The following CLASP2 variants were observed in gnomAD, a reference collection of about 807,000 sequenced individuals.
CLASP2 encodes CLIP-associating protein 2.
Under a neutral mutation model 194.4 loss-of-function variants are expected in CLASP2, and 47 were observed. The ratio of observed to expected loss-of-function variants is 0.24; its 90% CI spans 0.19 to 0.31. The LOEUF is 0.31. Ranked by LOEUF, CLASP2 falls within the 10% of genes least tolerant of loss-of-function variation. CLASP2 has a pLI of 1.00. For synonymous variants in CLASP2, 619 were observed against 633.5 expected (o/e 0.98, Z 0.34); for missense variants, 1,445 against 1,823.6 (o/e 0.79, Z 3.78).
At chr3:33,636,160 T>A (rs2080097565) in intron 8 of CLASP2, among the ~76,000 whole-genome samples, 1 of 152,094 alleles carries the variant, frequency 6.6e-6, no homozygotes, top group African/African-American at 2.4e-5. Context: ...TCAAATAAGA[T>A]GGTAATCACA....
In CLASP2 at chr3:33,559,403, C is replaced by G. The variant is rs1047904402; in HGVS notation, c.2931-18G>C. The G allele has an allele frequency of 2.1e-5, 30 of 1,463,312 alleles. No homozygotes were observed. Among genetic ancestry groups the G allele is most frequent in the African/African-American group, 7.0e-5 (5 of 71,404 alleles). 90.6% of individuals were successfully genotyped at this position (1,463,312 alleles called of 1,614,324 possible). Reference sequence around the variant, plus strand: ...AAGACTCTCTGAAACAAGAACAAAGCAAAACGAAACAAAAATTTAGTTAGC... The same window carrying G: ...AAGACTCTCTGAAACAAGAACAAAGGAAAACGAAACAAAAATTTAGTTAGC... On this transcript the variant is annotated intron_variant, in intron 28 of 38. Coordinates refer to ENST00000682230, the MANE Select transcript of CLASP2 (RefSeq NM_001365631.1).
intron 12 of CLASP2, among the ~76,000 whole-genome samples, chr3:33,615,977 G>A (rs1256077186): frequency 6.6e-6 from 1 of 150,674 alleles, no homozygotes; most frequent in African/African-American, 2.4e-5. Flanking sequence ...TAAAGAAAAA[G>A]CAGTGCAAAT....
chr3:33,717,128 C>G (rs1001805284), intron 1 of CLASP2, among the ~76,000 whole-genome samples: 1 of 152,218 alleles, frequency 6.6e-6, no homozygotes, highest in African/African-American at 2.4e-5. Context: ...TTTTCCCCCC[C>G]AGCATTAGCC....
intron 33 of CLASP2, among the ~76,000 whole-genome samples, chr3:33,538,374 T>C (rs1364971132): frequency 6.6e-6 from 1 of 152,218 alleles, no homozygotes; most frequent in African/African-American, 2.4e-5. Flanking sequence ...GACCACACAA[T>C]CTAAAATAGA....
At chr3:33,656,810 C>CAT (rs10662186) in intron 7 of CLASP2, among the ~76,000 whole-genome samples, 66,316 of 151,612 alleles carry the variant, frequency 0.44, 14,765 homozygotes, top group Admixed American at 0.53. Flanking sequence ...CGAAATAACA[C>CAT]GATAGTATTT....
chr3:33,674,186 G>C (rs888546901), intron 6 of CLASP2, among the ~76,000 whole-genome samples: 7 of 152,098 alleles, frequency 4.6e-5, no homozygotes, highest in African/African-American at 1.7e-4. Context: ...TGACCACATA[G>C]TTGGAAGTAA....
intron 8 of CLASP2, among the ~76,000 whole-genome samples, chr3:33,636,408 A>G (rs2080143129): frequency 6.6e-6 from 1 of 152,162 alleles, no homozygotes; most frequent in Non-Finnish European, 1.5e-5. Context: ...TTTTCTGCTG[A>G]TAAAAGTAAC....
intron 1 of CLASP2, among the ~76,000 whole-genome samples, chr3:33,708,763 G>C (rs926945799): frequency 2.6e-5 from 4 of 151,892 alleles, no homozygotes; most frequent in Admixed American, 6.6e-5. Context: ...AACTTTCTGA[G>C]GAACCTCCTA....
intron 21 of CLASP2, among the ~76,000 whole-genome samples, chr3:33,586,930 G>A (rs1484600880): frequency 6.6e-6 from 1 of 152,132 alleles, no homozygotes; most frequent in Admixed American, 6.5e-5. Flanking sequence ...GGGGGTGCCT[G>A]CCCTTTCCTA....
At chr3:33,710,537 C>T (rs1334138039) in intron 1 of CLASP2, among the ~76,000 whole-genome samples, 1 of 152,158 alleles carries the variant, frequency 6.6e-6, no homozygotes, top group African/African-American at 2.4e-5. Flanking sequence ...CGTGCCACTA[C>T]ACTCCAGCCT....
chr3:33,553,174 C>T (rs1297267175), intron 29 of CLASP2, among the ~76,000 whole-genome samples: 2 of 152,092 alleles, frequency 1.3e-5, no homozygotes, highest in Non-Finnish European at 2.9e-5. Flanking sequence ...AAGTGCCATA[C>T]TGAATAAATT....
chr3:33,643,808 A>G (rs557236832), intron 8 of CLASP2, among the ~76,000 whole-genome samples: 14 of 152,152 alleles, frequency 9.2e-5, no homozygotes, highest in African/African-American at 3.4e-4. Flanking sequence ...ACCTGGTCAA[A>G]ATATACAGTT....
Position 33,511,848 on chromosome 3 carries a change from C to T in CLASP2, c.4111-1084G>A, listed in dbSNP as rs1324378983. ...CCATCAGAGAAATGCAAATCAAAAC[C>T]ACTATGAGATATCATCTCACACCAG... On this transcript the variant is annotated intron_variant, in intron 36 of 38. Coordinates refer to ENST00000682230, the MANE Select transcript of CLASP2 (RefSeq NM_001365631.1). 7.2e-5 allele frequency among the ~76,000 whole-genome samples: 6 copies of T among 83,576 alleles called. 2 individuals are homozygous for T. Among genetic ancestry groups the T allele is most frequent in the African/African-American group, 2.8e-4 (6 of 21,658 alleles). 54.8% of individuals were successfully genotyped at this position (83,576 alleles called of 152,430 possible).
intron 28 of CLASP2, 104 bp downstream of exon 28, chr3:33,560,704 G>C (rs1483231729): frequency 1.1e-6 from 1 of 935,602 alleles, no homozygotes; most frequent in Non-Finnish European, 1.7e-6. Flanking sequence ...AATCCATGCA[G>C]TCTAAATTGT....
chr3:33,663,354 A>C, intron 7 of CLASP2, 91 bp downstream of exon 7: 2 of 820,268 alleles, frequency 2.4e-6, no homozygotes, highest in Non-Finnish European at 3.7e-6. Context: ...CACAAAATCA[A>C]CTCTTTTGAA....
intron 33 of CLASP2, among the ~76,000 whole-genome samples, chr3:33,536,467 A>G (rs778197173): frequency 5.9e-5 from 9 of 152,176 alleles, no homozygotes; most frequent in Non-Finnish European, 1.2e-4. Flanking sequence ...AACAGCCAAT[A>G]CACAGATCCT....
intron 36 of CLASP2, among the ~76,000 whole-genome samples, chr3:33,511,935 AG>A (rs1480484164): frequency 1.8e-5 from 1 of 54,548 alleles, no homozygotes; most frequent in Non-Finnish European, 3.5e-5. Context: ...GTGGAGAAAT[AG>A]GAACACTTTT....
At chr3:33,699,806 T>C (rs1163095131) in intron 1 of CLASP2, among the ~76,000 whole-genome samples, 1 of 151,718 alleles carries the variant, frequency 6.6e-6, no homozygotes, top group Admixed American at 6.6e-5. Flanking sequence ...CTTACCTGCT[T>C]TGGGACTACA....
intron 3 of CLASP2, among the ~76,000 whole-genome samples, chr3:33,688,784 C>T (rs956415110): frequency 1.3e-5 from 2 of 152,008 alleles, no homozygotes; most frequent in African/African-American, 2.4e-5. Context: ...ATGGAACAGG[C>T]GCTTTTTTTT....
Sources: gnomAD v4.1 joint callset for allele counts (sites outside exome capture counted in the v4.1 genomes callset) on GRCh38, gnomAD v4.1.1 for gene constraint, MANE v1.5 for transcripts, NCBI Gene and HGNC (gene_info 2026-07-23, HGNC 2026-07-21) for gene names.